IDO2: variants seen among roughly 807,000 people sequenced by gnomAD.
IDO2 encodes indoleamine 2,3-dioxygenase 2.
In IDO2, 46 loss-of-function variants were observed where a neutral mutation model predicts 45.1. That is an observed-to-expected ratio of 1.02 (90% CI 0.80 to 1.30). The LOEUF (loss-of-function observed/expected upper bound fraction) is 1.30, where lower values mean the gene tolerates loss of function less well. IDO2 is among the 50% of genes most tolerant of loss of function. IDO2 has a pLI of 0.00. For synonymous variants in IDO2, 218 were observed against 184.9 expected (o/e 1.18, Z -1.45); for missense variants, 544 against 491.8 (o/e 1.11, Z -1.00).
chr8:39,942,898 A>T (rs1165502299), intron 1 of IDO2, among the ~76,000 whole-genome samples: 2 of 152,208 alleles, frequency 1.3e-5, no homozygotes, highest in Non-Finnish European at 2.9e-5. Context: ...TGGATGAAAA[A>T]AACCACATGA....
chr8:39,956,765 G>A (rs1007625973), intron 2 of IDO2, among the ~76,000 whole-genome samples: 4 of 152,004 alleles, frequency 2.6e-5, no homozygotes, highest in African/African-American at 7.2e-5. Flanking sequence ...TAGTAGTCTT[G>A]GATGGATGCG....
intron 8 of IDO2, among the ~76,000 whole-genome samples, chr8:39,992,010 C>T (rs1170616109): frequency 3.3e-5 from 5 of 152,236 alleles, no homozygotes; most frequent in African/African-American, 7.2e-5. Flanking sequence ...GACATAATTT[C>T]GTTTCAGTGT....
intron 1 of IDO2, among the ~76,000 whole-genome samples, chr8:39,943,858 C>G (rs1290047389): frequency 1.3e-5 from 2 of 151,914 alleles, no homozygotes; most frequent in Non-Finnish European, 2.9e-5. Flanking sequence ...CACTCTTACT[C>G]AACATAGTAC....
intron 2 of IDO2, among the ~76,000 whole-genome samples, chr8:39,952,616 T>C (rs1807829126): frequency 6.6e-6 from 1 of 152,144 alleles, no homozygotes; most frequent in African/African-American, 2.4e-5. Flanking sequence ...TCATGTGCCC[T>C]ACGTGTGTAG....
At chr8:39,995,191 T>TCTCCTTCTCCTTCTC (rs1299293945) in intron 8 of IDO2, 37 of 80,966 alleles carry the variant, frequency 4.6e-4, no homozygotes, top group South Asian at 3.4e-3. Context: ...TTCTTCTTCT[T>TCTCCTTCTCCTTCTC]CTTCTTCTTC....
chr8:39,988,244 C>G (rs1309879972), intron 7 of IDO2, among the ~76,000 whole-genome samples: 2 of 152,114 alleles, frequency 1.3e-5, no homozygotes, highest in Non-Finnish European at 1.5e-5. Flanking sequence ...AGACATTTTC[C>G]CAGCCCTGAC....
intron 3 of IDO2, among the ~76,000 whole-genome samples, chr8:39,970,203 A>G (rs1409985553): frequency 1.3e-5 from 2 of 152,236 alleles, no homozygotes; most frequent in African/African-American, 2.4e-5. Flanking sequence ...GGGCTGAAGA[A>G]GCTGTAGTAA....
At chr8:39,979,003 C>G in intron 3 of IDO2, 64 bp from the exon 4 acceptor site, 1 of 1,519,446 alleles carries the variant, frequency 6.6e-7, no homozygotes. Flanking sequence ...GTCCCCGGCC[C>G]CCGTTACCTC....
rs574484410 is a variant in IDO2 at position 39,992,026 on chromosome 8, T to G, written c.667+2188T>G. 1.3e-4 allele frequency among the ~76,000 whole-genome samples: 20 copies of G among 152,360 alleles called. No individual in the cohort carries two copies. The South Asian group carries it at 4.1e-3, about 32-fold the overall frequency. ...ACATAATTTCGTTTCAGTGTTTTAC[T>G]CCTAGTCACATTCATCTATATGGAC... On this transcript the variant is annotated intron_variant, in intron 8 of 10. Transcript: ENST00000502986.
At chr8:40,008,947 A>T (rs2981147) in intron 9 of IDO2, among the ~76,000 whole-genome samples, 109,707 of 152,076 alleles carry the variant, frequency 0.72, 39,723 homozygotes, top group Middle Eastern at 0.79. Flanking sequence ...AGCATTGTCT[A>T]GAAAAATGTA....
At chr8:39,943,593 C>T (rs934755505) in intron 1 of IDO2, among the ~76,000 whole-genome samples, 5 of 151,740 alleles carry the variant, frequency 3.3e-5, no homozygotes, top group South Asian at 2.1e-4. Context: ...AAAAATTAGC[C>T]GGGCGAGGTG....
chr8:39,949,094 C>G (rs373351846), intron 1 of IDO2, 55 bp from the exon 2 acceptor site: 2 of 1,551,306 alleles, frequency 1.3e-6, no homozygotes, highest in Non-Finnish European at 1.7e-6. Flanking sequence ...AGGATGGAAC[C>G]TGGGTGTTTA....
chr8:39,943,392 G>C (rs1223241135), intron 1 of IDO2, among the ~76,000 whole-genome samples: 1 of 151,574 alleles, frequency 6.6e-6, no homozygotes, highest in Admixed American at 6.6e-5. Context: ...ACACTCTTAA[G>C]AAATTAGGTG....
intron 8 of IDO2, among the ~76,000 whole-genome samples, chr8:40,000,530 A>G (rs1452899014): frequency 6.6e-6 from 1 of 152,178 alleles, no homozygotes; most frequent in East Asian, 1.9e-4. Flanking sequence ...CAATTTCCCT[A>G]TTTCACTAAG....
At chr8:40,008,646 C>A (rs1042487846) in intron 9 of IDO2, among the ~76,000 whole-genome samples, 4 of 152,176 alleles carry the variant, frequency 2.6e-5, no homozygotes, top group East Asian at 1.9e-4. Flanking sequence ...ACCACAGTAT[C>A]CTTCAAGGGA....
chr8:39,944,120 A>G (rs1416236905), intron 1 of IDO2, among the ~76,000 whole-genome samples: 1 of 152,204 alleles, frequency 6.6e-6, no homozygotes, highest in Non-Finnish European at 1.5e-5. Flanking sequence ...TCTTAGAGAA[A>G]GGGAGGAAGG....
rs1285255190 is a variant in IDO2 at position 40,007,614 on chromosome 8, T to C, written c.719+2236T>C. Reference sequence around the variant, plus strand: ...CCACATAGCAGGCTTATACTATAGATGCAGAAACAGACTGGGATTTAGGAA... The same window carrying C: ...CCACATAGCAGGCTTATACTATAGACGCAGAAACAGACTGGGATTTAGGAA... On this transcript the variant is annotated intron_variant, in intron 9 of 10. Transcript: ENST00000502986. 3.9e-5 allele frequency among the ~76,000 whole-genome samples: 6 copies of C among 152,332 alleles called. No individual in the cohort carries two copies. In the East Asian group the frequency reaches 1.2e-3, roughly 29 times the overall value.
At chr8:39,992,798 C>T (rs900223311) in intron 8 of IDO2, among the ~76,000 whole-genome samples, 8 of 152,136 alleles carry the variant, frequency 5.3e-5, no homozygotes, top group African/African-American at 1.7e-4. Context: ...GAGTCATGAG[C>T]TCTAATCCCT....
chr8:39,975,299 C>T (rs867859006), intron 3 of IDO2, among the ~76,000 whole-genome samples: 2 of 151,536 alleles, frequency 1.3e-5, no homozygotes, highest in Non-Finnish European at 2.9e-5. Flanking sequence ...TTATGACATA[C>T]TTGATATCCT....
Sources: allele counts gnomAD v4.1 joint callset (sites outside exome capture counted in the v4.1 genomes callset), GRCh38; gene constraint gnomAD v4.1.1; transcripts MANE v1.5; gene names NCBI Gene and HGNC (gene_info 2026-07-23, HGNC 2026-07-21).